CAMK1D: variants seen among roughly 807,000 people sequenced by gnomAD.
CAMK1D encodes the protein calcium/calmodulin-dependent protein kinase type 1D.
CAMK1D carries 9 observed loss-of-function variants against 47.7 expected under a neutral mutation model. The observed-to-expected ratio is 0.19, with a 90% CI of 0.11 to 0.33. The LOEUF (loss-of-function observed/expected upper bound fraction) is 0.33, where lower values mean the gene tolerates loss of function less well. Ranked by LOEUF, CAMK1D falls within the 10% of genes least tolerant of loss-of-function variation. The pLI, the probability that CAMK1D is intolerant of heterozygous loss-of-function variation, is 1.00. For synonymous variants in CAMK1D, 184 were observed against 184.9 expected (o/e 0.99, Z 0.04); for missense variants, 291 against 488.7 (o/e 0.60, Z 3.81).
chr10:12,777,069 A>G (rs1417333095), intron 5 of CAMK1D, among the ~76,000 whole-genome samples: 2 of 152,142 alleles, frequency 1.3e-5, no homozygotes, highest in African/African-American at 4.8e-5. Context: ...AGGATCAACT[A>G]GATTTGGGAG....
intron 2 of CAMK1D, among the ~76,000 whole-genome samples, chr10:12,593,274 C>T (rs965635538): frequency 1.3e-5 from 2 of 152,180 alleles, no homozygotes; most frequent in African/African-American, 2.4e-5. Context: ...ATCAATCTCC[C>T]TCTGGACTGA....
intron 3 of CAMK1D, among the ~76,000 whole-genome samples, chr10:12,711,947 G>T (rs538219211): frequency 6.6e-6 from 1 of 152,282 alleles, no homozygotes; most frequent in South Asian, 2.1e-4. Flanking sequence ...TTTCTCAGAC[G>T]TAATTTCAGA....
chr10:12,605,006 G>C (rs998042032), intron 2 of CAMK1D, among the ~76,000 whole-genome samples: 12 of 151,688 alleles, frequency 7.9e-5, no homozygotes, highest in Non-Finnish European at 1.3e-4. Context: ...TCCTGCATCA[G>C]CCTCCTGAGT....
chr10:12,478,382 G>C (rs1833964996), intron 1 of CAMK1D, among the ~76,000 whole-genome samples: 1 of 151,930 alleles, frequency 6.6e-6, no homozygotes, highest in African/African-American at 2.4e-5. Flanking sequence ...GCTTACTGCA[G>C]CCCCAACCTC....
At chr10:12,664,213 A>C (rs117430590) in intron 2 of CAMK1D, among the ~76,000 whole-genome samples, 2,940 of 152,318 alleles carry the variant, frequency 0.019, 64 homozygotes, top group South Asian at 0.12. Context: ...TTTGATAGCA[A>C]AACTTTATTT....
At chr10:12,696,272 C>T (rs905008360) in intron 3 of CAMK1D, among the ~76,000 whole-genome samples, 3 of 152,050 alleles carry the variant, frequency 2.0e-5, no homozygotes, top group South Asian at 2.1e-4. Flanking sequence ...CCTGGTGGCT[C>T]ATGCCCGTAA....
chr10:12,819,618 G>C (rs896204461), intron 8 of CAMK1D, among the ~76,000 whole-genome samples: 1 of 152,272 alleles, frequency 6.6e-6, no homozygotes, highest in Non-Finnish European at 1.5e-5. Context: ...TTGCACATCT[G>C]TGATACCTAC....
chr10:12,371,450 C>T (rs918125289), intron 1 of CAMK1D, among the ~76,000 whole-genome samples: 1 of 151,196 alleles, frequency 6.6e-6, no homozygotes, highest in African/African-American at 2.4e-5. Flanking sequence ...GTGGCGGGCG[C>T]CTGTAGTCCC....
intron 1 of CAMK1D, among the ~76,000 whole-genome samples, chr10:12,416,848 G>A (rs1169919203): frequency 2.6e-5 from 4 of 152,202 alleles, no homozygotes; most frequent in African/African-American, 9.7e-5. Flanking sequence ...TCCAGGGCAT[G>A]TTCTGCCAAA....
chr10:12,651,149 A>G (rs995774191), intron 2 of CAMK1D, among the ~76,000 whole-genome samples: 2 of 152,060 alleles, frequency 1.3e-5, no homozygotes, highest in East Asian at 3.9e-4. Context: ...CCTGAGACAA[A>G]TCATTCTGCC....
At chr10:12,675,883 G>T (rs981691514) in intron 3 of CAMK1D, among the ~76,000 whole-genome samples, 8 of 152,176 alleles carry the variant, frequency 5.3e-5, no homozygotes, top group Non-Finnish European at 1.2e-4. Flanking sequence ...GGCCAGTACT[G>T]CCACAGGGCC....
chr10:12,746,221 G>A (rs1835668177), intron 3 of CAMK1D, among the ~76,000 whole-genome samples: 1 of 146,680 alleles, frequency 6.8e-6, no homozygotes, highest in Non-Finnish European at 1.5e-5. Flanking sequence ...AAAATTAGCT[G>A]GGCGTGGTGA....
At chr10:12,667,045 C>T in intron 3 of CAMK1D, 1 of 444,530 alleles carries the variant, frequency 2.2e-6, no homozygotes. Flanking sequence ...TAACCTAGAG[C>T]TCAGCAGTGA....
At chr10:12,721,678 C>T (rs1207228804) in intron 3 of CAMK1D, among the ~76,000 whole-genome samples, 1 of 152,276 alleles carries the variant, frequency 6.6e-6, no homozygotes, top group South Asian at 2.1e-4. Flanking sequence ...CAGAGGGTAA[C>T]CCGTAGTAAC....
intron 3 of CAMK1D, among the ~76,000 whole-genome samples, chr10:12,672,900 T>TTTTTTTTTTTGTTTTTTGTTTTTTTTG (rs1564481959): frequency 6.5e-4 from 96 of 148,068 alleles, no homozygotes; most frequent in African/African-American, 2.2e-3. Flanking sequence ...GCTTGCCTTT[T>TTTTTTTTTTTGTTTTTTGTTTTTTTTG]TTTTTTTTTT....
intron 2 of CAMK1D, among the ~76,000 whole-genome samples, chr10:12,588,640 A>G (rs1332371598): frequency 1.3e-5 from 2 of 152,068 alleles, no homozygotes; most frequent in African/African-American, 4.8e-5. Flanking sequence ...CACATCCTGC[A>G]GAGGAAGGAG....
chr10:12,637,804 C>A (rs1051617696), intron 2 of CAMK1D, among the ~76,000 whole-genome samples: 1 of 152,160 alleles, frequency 6.6e-6, no homozygotes, highest in African/African-American at 2.4e-5. Context: ...CAGATGGGAA[C>A]ACCAACCATA....
Position 12,769,732 on chromosome 10 carries a change from T to C in CAMK1D, c.498T>C (p.Phe166=). 6.2e-7 allele frequency: 1 copy of C among 1,614,224 alleles called. No homozygotes were observed. Among genetic ancestry groups the C allele is most frequent in the Non-Finnish European group, 8.5e-7 (1 of 1,180,026 alleles). The part of the protein sequence containing the change: ...DEESKIMISD[F]GLSKMEGKGD... ...AGTCCAAAATAATGATCAGTGACTT[T>C]GGATTGTCAAAAATGGAGGGCAAAG... is the stretch of plus-strand genomic sequence containing the variant. The change falls in exon 5 of 11, where the codon TTT becomes TTC. Residue 166 remains phenylalanine, a synonymous_variant. Transcript: ENST00000619168.
At chr10:12,826,707 T>A (rs1303546905) in intron 10 of CAMK1D, among the ~76,000 whole-genome samples, 1 of 152,208 alleles carries the variant, frequency 6.6e-6, no homozygotes, top group African/African-American at 2.4e-5. Flanking sequence ...CTCTAAGGAA[T>A]CTTCCCATCT....
Sources: gnomAD v4.1 joint callset for allele counts (sites outside exome capture counted in the v4.1 genomes callset) on GRCh38, gnomAD v4.1.1 for gene constraint, MANE v1.5 for transcripts, NCBI Gene and HGNC (gene_info 2026-07-23, HGNC 2026-07-21) for gene names.